Variants in C8orf34 observed in about 807,000 individuals in gnomAD.
The protein encoded by C8orf34 is chromosome 8 open reading frame 34.
Under a neutral mutation model 68.3 loss-of-function variants are expected in C8orf34, and 65 were observed. That is an observed-to-expected ratio of 0.95 (90% CI 0.78 to 1.17). The LOEUF (loss-of-function observed/expected upper bound fraction) is 1.17. Among genes scored for constraint, C8orf34 ranks in the 50% most tolerant of loss-of-function variants. The pLI is 0.00. For missense variants in C8orf34, 664 were observed against 655.4 expected (o/e 1.01, Z -0.14); for synonymous variants, 244 against 241.2 (o/e 1.01, Z -0.11).
At chr8:68,411,487 T>A (rs186059043) in intron 1 of C8orf34, among the ~76,000 whole-genome samples, 31 of 152,320 alleles carry the variant, frequency 2.0e-4, no homozygotes, top group Non-Finnish European at 3.8e-4. Context: ...CAATTTGGAC[T>A]CAGCAAGGGT....
At chr8:68,729,999 A>C (rs955783990) in intron 10 of C8orf34, among the ~76,000 whole-genome samples, 1 of 152,184 alleles carries the variant, frequency 6.6e-6, no homozygotes. Context: ...TGGTTTAAAT[A>C]GTTGAGCAAT....
chr8:68,434,627 A>G (rs976573516), intron 1 of C8orf34, among the ~76,000 whole-genome samples: 11 of 152,224 alleles, frequency 7.2e-5, no homozygotes, highest in African/African-American at 2.2e-4. Flanking sequence ...TTTTAAAATA[A>G]AAGTATTTGT....
At chr8:68,723,141 T>C (rs1270371609) in intron 10 of C8orf34, among the ~76,000 whole-genome samples, 2 of 152,152 alleles carry the variant, frequency 1.3e-5, no homozygotes, top group Non-Finnish European at 2.9e-5. Flanking sequence ...CTTGTCTGTT[T>C]CTTGTAGAAA....
chr8:68,523,542 T>C (rs1814847659), intron 6 of C8orf34, among the ~76,000 whole-genome samples: 1 of 152,168 alleles, frequency 6.6e-6, no homozygotes, highest in Admixed American at 6.5e-5. Flanking sequence ...AAATTATAAA[T>C]TGAGGTATTA....
At chr8:68,773,680 CG>C (rs34391720) in intron 10 of C8orf34, among the ~76,000 whole-genome samples, 1 of 152,130 alleles carries the variant, frequency 6.6e-6, no homozygotes, top group African/African-American at 2.4e-5. Context: ...GCCGCCACAC[CG>C]GCCCCTCCGA....
At chr8:68,499,272 G>A (rs567048823) in intron 5 of C8orf34, among the ~76,000 whole-genome samples, 1 of 152,178 alleles carries the variant, frequency 6.6e-6, no homozygotes, top group African/African-American at 2.4e-5. Context: ...TCTTTTATAT[G>A]GCTGCATAGT....
chr8:68,776,237 G>C (rs1028291733), intron 10 of C8orf34, among the ~76,000 whole-genome samples, 162 bp from the exon 11 acceptor site: 1 of 151,824 alleles, frequency 6.6e-6, no homozygotes, highest in Non-Finnish European at 1.5e-5. Context: ...TTTTTTCAAA[G>C]AGTAAGAAGT....
chr8:68,751,120 T>C (rs1211013041), intron 10 of C8orf34, among the ~76,000 whole-genome samples: 1 of 152,154 alleles, frequency 6.6e-6, no homozygotes, highest in Non-Finnish European at 1.5e-5. Flanking sequence ...AGAGGGACTC[T>C]ATTATTGAAT....
chr8:68,429,189 C>T (rs969435207), intron 1 of C8orf34, among the ~76,000 whole-genome samples: 7 of 152,058 alleles, frequency 4.6e-5, no homozygotes, highest in Non-Finnish European at 1.0e-4. Context: ...ACACAAAGAA[C>T]TTCAACAGAC....
chr8:68,516,575 A>G (rs1418274973), intron 5 of C8orf34, among the ~76,000 whole-genome samples: 1 of 152,156 alleles, frequency 6.6e-6, no homozygotes, highest in Non-Finnish European at 1.5e-5. Context: ...GATAAGCCAT[A>G]CTGCAGAAAT....
chr8:68,816,105 A>AGTGTGTGTGTGTGTGTGTGT (rs71554629), intron 13 of C8orf34, among the ~76,000 whole-genome samples, 160 bp downstream of exon 13: 1 of 144,516 alleles, frequency 6.9e-6, no homozygotes, highest in African/African-American at 2.6e-5. Context: ...ATTTCCTAAG[A>AGTGTGTGTGTGTGTGTGTGT]GTGTGTGTGT....
chr8:68,752,808 G>A (rs1269333142), intron 10 of C8orf34, among the ~76,000 whole-genome samples: 3 of 152,100 alleles, frequency 2.0e-5, no homozygotes, highest in Non-Finnish European at 4.4e-5. Flanking sequence ...ATAAAATAGC[G>A]GTGGAATTCT....
intron 8 of C8orf34, among the ~76,000 whole-genome samples, chr8:68,643,937 C>T (rs1382191268): frequency 6.6e-6 from 1 of 152,180 alleles, no homozygotes; most frequent in Non-Finnish European, 1.5e-5. Context: ...CTGAGGCCAG[C>T]AGTCATGCTC....
At chr8:68,753,785 A>G (rs1014997184) in intron 10 of C8orf34, among the ~76,000 whole-genome samples, 11 of 152,208 alleles carry the variant, frequency 7.2e-5, no homozygotes, top group African/African-American at 1.9e-4. Flanking sequence ...TTCAAACATG[A>G]TAAAGAGAAT....
chr8:68,395,073 C>A (rs1808636285), intron 1 of C8orf34, among the ~76,000 whole-genome samples: 1 of 151,842 alleles, frequency 6.6e-6, no homozygotes, highest in Non-Finnish European at 1.5e-5. Context: ...TGTCTCCATA[C>A]CAAGTCAAGT....
chr8:68,588,640 A>G (rs1166919510), intron 7 of C8orf34, among the ~76,000 whole-genome samples: 2 of 152,196 alleles, frequency 1.3e-5, no homozygotes, highest in Non-Finnish European at 2.9e-5. Flanking sequence ...TCATGTGACA[A>G]AAGTCCAATG....
At chr8:68,697,661 A>T (rs1820875074) in intron 8 of C8orf34, among the ~76,000 whole-genome samples, 1 of 152,048 alleles carries the variant, frequency 6.6e-6, no homozygotes, top group Admixed American at 6.6e-5. Flanking sequence ...CAGATGGAGG[A>T]TGTAGAATTT....
intron 8 of C8orf34, among the ~76,000 whole-genome samples, chr8:68,688,370 A>G (rs1487323858): frequency 1.3e-5 from 2 of 152,066 alleles, no homozygotes; most frequent in Admixed American, 6.6e-5. Flanking sequence ...CCATCTACCA[A>G]TGAATGGATA....
chr8:68,362,609 G>A (rs2129619428), intron 1 of C8orf34, among the ~76,000 whole-genome samples: 1 of 152,278 alleles, frequency 6.6e-6, no homozygotes, highest in East Asian at 1.9e-4. Flanking sequence ...CAGCCTAACT[G>A]GGAGGCACCC....
Sources: allele counts gnomAD v4.1 joint callset (sites outside exome capture counted in the v4.1 genomes callset), GRCh38; gene constraint gnomAD v4.1.1; transcripts MANE v1.5; gene names NCBI Gene and HGNC (gene_info 2026-07-23, HGNC 2026-07-21).